EGLN1: variants seen among roughly 807,000 people sequenced by gnomAD.
EGLN1 encodes the protein egl-9 family hypoxia inducible factor 1.
Under a neutral mutation model 38.3 loss-of-function variants are expected in EGLN1, and 17 were observed. The ratio of observed to expected loss-of-function variants is 0.44; its 90% CI spans 0.30 to 0.67. EGLN1 has a LOEUF of 0.67. Among genes scored for constraint, EGLN1 ranks in the 30% least tolerant of loss-of-function variants. The probability of loss-of-function intolerance (pLI) is 0.08; values close to 1 mark genes in which losing one functional copy is unlikely to be tolerated. For missense variants in EGLN1, 477 were observed against 603.3 expected (o/e 0.79, Z 2.19); for synonymous variants, 283 against 257.5 (o/e 1.10, Z -0.95).
At chr1:231,391,019 C>T (rs2739509) in intron 1 of EGLN1, among the ~76,000 whole-genome samples, 44,120 of 93,324 alleles carry the variant, frequency 0.47, 14,311 homozygotes, top group Middle Eastern at 0.64. Context: ...GGCTAGTGTG[C>T]GTGTAGACAG....
chr1:231,412,511 G>A (rs572768451), intron 1 of EGLN1, among the ~76,000 whole-genome samples: 7 of 152,154 alleles, frequency 4.6e-5, no homozygotes, highest in Non-Finnish European at 1.0e-4. Flanking sequence ...AAGCCATCTT[G>A]AATGAGTGGT....
At position 231,366,379 on chromosome 1, in the gene EGLN1, A is replaced by G; in HGVS notation, c.*32T>C. 6.2e-7 allele frequency: 1 copy of G among 1,603,870 alleles called. No homozygotes were observed. The highest frequency in any genetic ancestry group is 8.5e-7 in the Non-Finnish European group (1 of 1,170,962). On this transcript the variant is annotated 3_prime_UTR_variant, in exon 5 of 5. Coordinates refer to ENST00000366641, the MANE Select transcript of EGLN1 (RefSeq NM_022051.3). ...GTTAACAAATAGTTAACAATATTGT[A>G]GGTGAAGTGGGGTATTGCTGGATCA...
intron 1 of EGLN1, among the ~76,000 whole-genome samples, chr1:231,414,183 C>T (rs1270180879): frequency 6.6e-6 from 1 of 151,544 alleles, no homozygotes; most frequent in Non-Finnish European, 1.5e-5. Flanking sequence ...AGTGTGGAAA[C>T]GAGGGCACAG....
chr1:231,384,442 A>G (rs1273330182), intron 1 of EGLN1, among the ~76,000 whole-genome samples: 1 of 151,182 alleles, frequency 6.6e-6, no homozygotes, highest in Non-Finnish European at 1.5e-5. Flanking sequence ...ATAATGCTAG[A>G]ATGTAATTAT....
intron 2 of EGLN1, among the ~76,000 whole-genome samples, chr1:231,371,194 T>G (rs1687813895): frequency 2.6e-5 from 4 of 152,166 alleles, no homozygotes. Context: ...CCAGCCATTT[T>G]AGGGATTTTT....
chr1:231,386,375 G>T (rs1294105163), intron 1 of EGLN1, among the ~76,000 whole-genome samples: 1 of 152,212 alleles, frequency 6.6e-6, no homozygotes, highest in African/African-American at 2.4e-5. Flanking sequence ...TTTAAGAGCT[G>T]AAGTGTTTAA....
At chr1:231,419,518 G>C (rs1656491708) in intron 1 of EGLN1, among the ~76,000 whole-genome samples, 1 of 152,164 alleles carries the variant, frequency 6.6e-6, no homozygotes, top group African/African-American at 2.4e-5. Flanking sequence ...TCCTGCTCTG[G>C]AGCTCAGGAC....
At chr1:231,397,732 A>G (rs574925457) in intron 1 of EGLN1, among the ~76,000 whole-genome samples, 69 of 152,218 alleles carry the variant, frequency 4.5e-4, no homozygotes, top group Non-Finnish European at 6.5e-4. Context: ...TTAACTTAAT[A>G]AATTAGAATG....
intron 1 of EGLN1, among the ~76,000 whole-genome samples, chr1:231,393,395 G>C (rs973254498): frequency 2.0e-5 from 3 of 152,180 alleles, no homozygotes; most frequent in Non-Finnish European, 4.4e-5. Context: ...GAGCTTAGAA[G>C]GGCATGGATT....
intron 1 of EGLN1, among the ~76,000 whole-genome samples, chr1:231,409,784 A>G (rs1165991593): frequency 2.0e-5 from 3 of 152,178 alleles, no homozygotes. Context: ...TTATCTGTTG[A>G]GTATTTCTTT....
intron 2 of EGLN1, among the ~76,000 whole-genome samples, chr1:231,372,386 TCTGC>T: frequency 6.6e-6 from 1 of 152,354 alleles, no homozygotes; most frequent in Admixed American, 6.5e-5. Context: ...GGGACGTTTC[TCTGC>T]CTATGTCCTA....
At chr1:231,407,502 T>C (rs534669121) in intron 1 of EGLN1, among the ~76,000 whole-genome samples, 29 of 152,294 alleles carry the variant, frequency 1.9e-4, no homozygotes, top group African/African-American at 6.0e-4. Context: ...ATGTTGAACT[T>C]TGCATCTGCT....
At chr1:231,419,070 G>A (rs900699249) in intron 1 of EGLN1, among the ~76,000 whole-genome samples, 14 of 152,120 alleles carry the variant, frequency 9.2e-5, no homozygotes, top group African/African-American at 2.9e-4. Context: ...TACAATGAAA[G>A]GAATTCCTGA....
chr1:231,417,713 T>C (rs967397034), intron 1 of EGLN1, among the ~76,000 whole-genome samples: 4 of 152,224 alleles, frequency 2.6e-5, no homozygotes, highest in African/African-American at 9.6e-5. Flanking sequence ...TTCTCCTGTA[T>C]GACTTCATTT....
intron 1 of EGLN1, among the ~76,000 whole-genome samples, chr1:231,410,627 G>A (rs1688913816): frequency 6.6e-6 from 1 of 151,948 alleles, no homozygotes; most frequent in Admixed American, 6.6e-5. Flanking sequence ...AAATATAGAT[G>A]TTCAAGTTCC....
rs1687594538 is a variant in EGLN1 at position 231,364,743 on chromosome 1, T to C, written c.*1668A>G. ...GTCTTAAGTTGAAATATACAGAAAA[T>C]TTCTGTATACTCACATTTTGGCAAA... On this transcript the variant is annotated 3_prime_UTR_variant, in exon 5 of 5. Transcript: ENST00000366641. 6.6e-6 allele frequency: 1 copy of C among 152,052 alleles called. No individual in the cohort carries two copies. Among genetic ancestry groups the C allele is most frequent in the Non-Finnish European group, 1.5e-5 (1 of 68,028 alleles). 9.4% of individuals were successfully genotyped at this position (152,052 alleles called of 1,614,324 possible). A position where few individuals can be genotyped will look rare whatever the true frequency, so the allele number is the denominator to read the frequency against.
At chr1:231,413,908 C>T (rs1689013440) in intron 1 of EGLN1, among the ~76,000 whole-genome samples, 2 of 152,096 alleles carry the variant, frequency 1.3e-5, no homozygotes, top group Admixed American at 1.3e-4. Flanking sequence ...AGTCAACAGA[C>T]ACTGTCCAAG....
intron 3 of EGLN1, chr1:231,369,679 C>G: frequency 1.2e-6 from 1 of 808,222 alleles, no homozygotes; most frequent in Non-Finnish European, 1.5e-6. Flanking sequence ...TCGTTAGAGT[C>G]AACCATCATT....
At chr1:231,410,579 C>T (rs1329204228) in intron 1 of EGLN1, among the ~76,000 whole-genome samples, 1 of 151,930 alleles carries the variant, frequency 6.6e-6, no homozygotes. Flanking sequence ...TGTTATGTAG[C>T]AATAAATGAC....
Sources: allele counts gnomAD v4.1 joint callset (sites outside exome capture counted in the v4.1 genomes callset), GRCh38; gene constraint gnomAD v4.1.1; transcripts MANE v1.5; gene names NCBI Gene and HGNC (gene_info 2026-07-23, HGNC 2026-07-21).